C4orf50: variants seen among roughly 807,000 people sequenced by gnomAD.
C4orf50 encodes the protein uncharacterized protein C4orf50.
Under a neutral mutation model 77.2 loss-of-function variants are expected in C4orf50, and 80 were observed. The observed-to-expected ratio is 1.04, with a 90% CI of 0.87 to 1.25. The LOEUF (loss-of-function observed/expected upper bound fraction) is 1.25, where lower values mean the gene tolerates loss of function less well. Ranked by LOEUF, C4orf50 falls within the 50% of genes most tolerant of loss-of-function variation. C4orf50 has a pLI of 0.00. For synonymous variants in C4orf50, 532 were observed against 465.3 expected, an observed-to-expected ratio of 1.14 and a Z score of -1.84; for missense variants, 1,257 against 1,152.9, an observed-to-expected ratio of 1.09 and a Z score of -1.31.
chr4:5,968,204 G>A (rs1022998431), intron 31 of C4orf50, among the ~76,000 whole-genome samples: 1 of 152,206 alleles, frequency 6.6e-6, no homozygotes, highest in African/African-American at 2.4e-5. Context: ...TCTGTCTCTG[G>A]TGAACTTCTA....
In C4orf50 at chr4:6,008,317, G is replaced by T. The variant is rs895794879; in HGVS notation, c.642C>A (p.Arg214=). ...ACTGGGCCAGCAGGAGGCCCGCGGC[G>T]CGGCAGAGGCGCCGCACGTTGCGCT... Residue 214 remains arginine, a synonymous_variant, in exon 25 of 34, where the codon CGC becomes CGA. Transcript: ENST00000531445. The surrounding 1 kb of genome is among the most constrained non-coding windows in gnomAD (Gnocchi z 6.0). The T allele has an allele frequency of 1.8e-5, 7 of 388,342 alleles. No individual in the cohort carries two copies. In the South Asian group the frequency reaches 9.0e-4, roughly 50 times the overall value. 24.1% of individuals were successfully genotyped at this position (388,342 alleles called of 1,614,324 possible).
At position 5,919,273 on chromosome 4, in the gene C4orf50, A is replaced by G. The variant is rs1717164258; in HGVS notation, c.*2475-21085T>C. 6.6e-6 allele frequency among the ~76,000 whole-genome samples: 1 copy of G among 152,134 alleles called. No homozygotes were observed. Among genetic ancestry groups the G allele is most frequent in the Non-Finnish European group, 1.5e-5 (1 of 68,012 alleles). On this transcript the variant is annotated intron_variant, in intron 7 of 7. Coordinates refer to the C4orf50 transcript ENST00000324058. The surrounding 1 kb of genome is among the most constrained non-coding windows in gnomAD (Gnocchi z 6.5). ...GAGCCCCAGGCTTGAGGGTTGGCAG[A>G]CCCAATGCCCGATTTCCATGGCTAC...
Position 5,970,246 on chromosome 4 carries a change from C to T in C4orf50, c.4105-2784G>A, listed in dbSNP as rs973164240. ...TGCCCTGAGCCCTGCTCACTCAAGGCGTCCAGGGGACAAGGCGGAATTAAG... is the reference window on the plus strand; with the variant it reads ...TGCCCTGAGCCCTGCTCACTCAAGGTGTCCAGGGGACAAGGCGGAATTAAG... On this transcript the variant is annotated intron_variant, in intron 31 of 33. Coordinates refer to ENST00000531445, the Ensembl canonical transcript of C4orf50. This position sits in a 1 kb window ranked among gnomAD's most constrained non-coding sequence, Gnocchi z 4.3. Among the ~76,000 whole-genome samples, 2 of 151,904 alleles carry T rather than the reference C, an allele frequency of 1.3e-5. No individual in the cohort carries two copies. The highest frequency in any genetic ancestry group is 2.9e-5 in the Non-Finnish European group (2 of 67,994).
Position 6,008,068 on chromosome 4 carries a change from C to T in C4orf50, c.891G>A (p.Glu297=), listed in dbSNP as rs1722317626. 2 of 399,164 alleles carry T rather than the reference C, an allele frequency of 5.0e-6. No individual in the cohort carries two copies. The highest frequency in any genetic ancestry group is 8.8e-6 in the Non-Finnish European group (2 of 226,258). 24.7% of individuals were successfully genotyped at this position (399,164 alleles called of 1,614,324 possible). A position where few individuals can be genotyped will look rare whatever the true frequency, so the allele number is the denominator to read the frequency against. Residue 297 remains glutamate, a synonymous_variant, in exon 25 of 34, where the codon GAG becomes GAA. Transcript: ENST00000531445. This position sits in a 1 kb window ranked among gnomAD's most constrained non-coding sequence, Gnocchi z 6.0. ...GGCACTGGTTTTGCTGGGCGAGGTC[C>T]TCCACCTGGCCCTGCAGGCCAATCT...
intron 28 of C4orf50, among the ~76,000 whole-genome samples, chr4:5,985,458 G>T (rs1720807540): frequency 6.6e-6 from 1 of 151,640 alleles, no homozygotes; most frequent in Non-Finnish European, 1.5e-5. Context: ...TATTAATTGG[G>T]ACATGGTAAA....
At chr4:6,012,039 C>T (rs1421027238) in intron 23 of C4orf50, 71 bp from the exon 2 acceptor site, 1 of 398,666 alleles carries the variant, frequency 2.5e-6, no homozygotes. Flanking sequence ...TTGCAGACAC[C>T]AGGGCCAAAT....
At chr4:5,944,345 G>A (rs1012257358) in intron 7 of C4orf50, among the ~76,000 whole-genome samples, 3 of 152,158 alleles carry the variant, frequency 2.0e-5, no homozygotes, top group African/African-American at 4.8e-5. Context: ...TACGGCTCAT[G>A]ACTCTGTCTC....
At chr4:6,005,873 G>C (rs997064856) in intron 25 of C4orf50, among the ~76,000 whole-genome samples, 10 of 152,190 alleles carry the variant, frequency 6.6e-5, no homozygotes, top group African/African-American at 1.4e-4. Context: ...GAGAGGTGCA[G>C]TTCCCCGGGG....
chr4:5,901,065 G>C lies in C4orf50; in HGVS notation c.*2475-2877C>G, dbSNP rs939272521. 5 of 152,222 alleles carry C rather than the reference G, an allele frequency of 3.3e-5. No individual in the cohort carries two copies. Among genetic ancestry groups the C allele is most frequent in the South Asian group, 2.1e-4 (1 of 4,830 alleles). The allele number at this position is 152,222 out of a possible 1,614,324, so 9.4% of individuals were successfully genotyped here. ...CTCCGACATACCTATTTTAAGAACA[G>C]TGCCTAGCAGTTCATGGGGAAACGT... is the stretch of plus-strand genomic sequence containing the variant. On this transcript the variant is annotated intron_variant, in intron 7 of 7. Coordinates refer to the C4orf50 transcript ENST00000324058. The surrounding 1 kb of genome is among the most constrained non-coding windows in gnomAD (Gnocchi z 4.4).
chr4:6,018,305 T>C lies in C4orf50; in HGVS notation c.127A>G (p.Met43Val). The change falls in exon 23 of 34, where the codon ATG becomes GTG. Residue 43 changes from methionine (M) to valine (V), a missense_variant. By Grantham distance (21) the Met-to-Val change is conservative. Transcript: ENST00000531445. This position sits in a 1 kb window ranked among gnomAD's most constrained non-coding sequence, Gnocchi z 5.1. ...TCCCGCTCCTCAGCACTATCTTCCA[T>C]GTCCTGGAATATCCAGGATGTGTCA... 2.5e-6 allele frequency: 1 copy of C among 398,996 alleles called. No individual in the cohort carries two copies. 24.7% of individuals were successfully genotyped at this position (398,996 alleles called of 1,614,324 possible).
rs1275433616 is a variant in C4orf50 at position 6,000,869 on chromosome 4, T to C, written c.964-6393A>G. On this transcript the variant is annotated intron_variant, in intron 25 of 33. Coordinates refer to ENST00000531445, the Ensembl canonical transcript of C4orf50. The surrounding 1 kb of genome is among the most constrained non-coding windows in gnomAD (Gnocchi z 6.0). ...CACCATATTACCGTCTGAATTTTCATGTCCCCCCAAAACTCATCCGTTAAA... is the reference window on the plus strand; with the variant it reads ...CACCATATTACCGTCTGAATTTTCACGTCCCCCCAAAACTCATCCGTTAAA... Among the ~76,000 whole-genome samples, 1 of 152,210 alleles carries C rather than the reference T, an allele frequency of 6.6e-6. No homozygotes were observed. Among genetic ancestry groups the C allele is most frequent in the African/African-American group, 2.4e-5 (1 of 41,452 alleles).
At chr4:5,969,794 T>A (rs539829759) in intron 31 of C4orf50, among the ~76,000 whole-genome samples, 1 of 152,258 alleles carries the variant, frequency 6.6e-6, no homozygotes, top group African/African-American at 2.4e-5. Context: ...GGGTCATTAT[T>A]TAGAATCAGG....
At chr4:5,899,470 A>G (rs1477662766) in intron 7 of C4orf50, 1 of 152,214 alleles carries the variant, frequency 6.6e-6, no homozygotes, top group African/African-American at 2.4e-5. Flanking sequence ...GTAACACATC[A>G]TGCATTTCAT....
intron 7 of C4orf50, among the ~76,000 whole-genome samples, chr4:5,931,113 A>T (rs11729690): frequency 0.29 from 44,384 of 151,832 alleles, 7,421 homozygotes; most frequent in African/African-American, 0.46. Context: ...CTGGAATCCA[A>T]CTCTGTCAGG....
At chr4:5,946,700 C>T (rs764013124) in intron 7 of C4orf50, among the ~76,000 whole-genome samples, 5 of 152,214 alleles carry the variant, frequency 3.3e-5, no homozygotes, top group Admixed American at 6.5e-5. Flanking sequence ...GTTAGCCAAT[C>T]GGGTTTCAGT....
At chr4:5,954,535 G>A (rs937932067), downstream of C4orf50, among the ~76,000 whole-genome samples, 1 of 152,108 alleles carries the variant, frequency 6.6e-6, no homozygotes, top group Non-Finnish European at 1.5e-5. This position sits in a 1 kb window ranked among gnomAD's most constrained non-coding sequence, Gnocchi z 4.7. Flanking sequence ...GATGGGGGAG[G>A]GGGGTCAGCT....
intron 7 of C4orf50, among the ~76,000 whole-genome samples, chr4:5,944,567 C>G (rs975734905): frequency 2.0e-5 from 3 of 152,340 alleles, no homozygotes; most frequent in African/African-American, 7.2e-5. Flanking sequence ...CAAGCCACAC[C>G]TTGGTTCATA....
At chr4:5,980,180 C>G (rs1407427584) in exon 29 of C4orf50, 1 of 1,597,236 alleles carries the variant, frequency 6.3e-7, no homozygotes, top group East Asian at 2.3e-5. Flanking sequence ...ACACCTTGGC[C>G]TGGAGCTCCT....
chr4:6,004,448 A>G (rs1486792818), intron 25 of C4orf50, among the ~76,000 whole-genome samples: 48 of 14,420 alleles, frequency 3.3e-3, no homozygotes, highest in South Asian at 5.1e-3. Context: ...ATGTGATGGT[A>G]ATGGTGATGA....
Sources: gnomAD v4.1 joint callset for allele counts (sites outside exome capture counted in the v4.1 genomes callset) on GRCh38, gnomAD v4.1.1 for gene constraint, Gnocchi (gnomAD v3.1) non-coding constraint, MANE v1.5 for transcripts, NCBI Gene and HGNC (gene_info 2026-07-23, HGNC 2026-07-21) for gene names.